FAM13C: variants seen among roughly 807,000 people sequenced by gnomAD.
The protein encoded by FAM13C is protein FAM13C.
FAM13C carries 37 observed loss-of-function variants against 73.2 expected under a neutral mutation model. The observed-to-expected ratio is 0.51, with a 90% CI of 0.39 to 0.67. FAM13C has a LOEUF of 0.67. FAM13C is among the 30% of genes least tolerant of loss of function. The pLI, the probability that FAM13C is intolerant of heterozygous loss-of-function variation, is 0.00. For synonymous variants in FAM13C, 246 were observed against 260.9 expected (o/e 0.94, Z 0.55); for missense variants, 589 against 715.6 (o/e 0.82, Z 2.02).
At chr10:59,284,031 A>ATGTGTGTGTGTGTGTG (rs6143934) in intron 5 of FAM13C, among the ~76,000 whole-genome samples, 1 of 149,014 alleles carries the variant, frequency 6.7e-6, no homozygotes, top group African/African-American at 2.5e-5. Context: ...ATGCTGGGGT[A>ATGTGTGTGTGTGTGTG]TGTGTGTGTG....
intron 6 of FAM13C, among the ~76,000 whole-genome samples, chr10:59,271,174 C>T (rs1006422582): frequency 2.0e-5 from 3 of 152,236 alleles, no homozygotes; most frequent in Non-Finnish European, 2.9e-5. Flanking sequence ...CTTTCTCTTA[C>T]TACTTCTTCT....
intron 6 of FAM13C, among the ~76,000 whole-genome samples, chr10:59,272,444 T>C: frequency 6.6e-6 from 1 of 152,210 alleles, no homozygotes; most frequent in Admixed American, 6.5e-5. Context: ...GAGGCTAGTG[T>C]AGATTCAGAG....
chr10:59,345,347 C>A (rs1854168441), intron 3 of FAM13C, among the ~76,000 whole-genome samples: 1 of 152,198 alleles, frequency 6.6e-6, no homozygotes, highest in African/African-American at 2.4e-5. Flanking sequence ...ACTTAAAAGA[C>A]TCAAATAAAT....
Position 59,352,304 on chromosome 10 carries a change from T to C in FAM13C, c.290A>G (p.Lys97Arg), listed in dbSNP as rs146560849. ...FKSRKPKSIFKAESGRSHGES... is the reference protein window; with the variant it reads ...FKSRKPKSIFRAESGRSHGES... ...TCCGTGGCTCCTCCCGCTCTCCGCTTTGAAGATGGACTTGGGCTTCCTGGA... is the reference window on the plus strand; with the variant it reads ...TCCGTGGCTCCTCCCGCTCTCCGCTCTGAAGATGGACTTGGGCTTCCTGGA... Residue 97 changes from lysine (K) to arginine (R), a missense_variant, in exon 3 of 14, where the codon AAA becomes AGA. Lys to Arg is a conservative substitution (Grantham distance 26, BLOSUM62 2). Transcript: ENST00000618804. The C allele has an allele frequency of 1.2e-4, 201 of 1,614,118 alleles. 1 individual carries two copies. In the African/African-American group the frequency reaches 2.4e-3, roughly 19 times the overall value.
intron 10 of FAM13C, among the ~76,000 whole-genome samples, chr10:59,259,502 T>C (rs1842271865): frequency 6.6e-6 from 1 of 152,140 alleles, no homozygotes; most frequent in African/African-American, 2.4e-5. Flanking sequence ...TTTGGTTACG[T>C]TGTAGCCTCT....
intron 3 of FAM13C, among the ~76,000 whole-genome samples, chr10:59,349,694 C>T (rs926182667): frequency 2.2e-4 from 33 of 152,092 alleles, no homozygotes; most frequent in African/African-American, 7.5e-4. Flanking sequence ...GCCTGGGAGG[C>T]GGAGGTTGCA....
At chr10:59,327,072 G>A (rs1233737411) in intron 3 of FAM13C, among the ~76,000 whole-genome samples, 1 of 152,048 alleles carries the variant, frequency 6.6e-6, no homozygotes, top group Non-Finnish European at 1.5e-5. Context: ...GTGAAATTTT[G>A]AACAGATGTG....
intron 2 of FAM13C, among the ~76,000 whole-genome samples, chr10:59,352,987 A>G (rs968176346): frequency 7.2e-5 from 11 of 152,190 alleles, no homozygotes; most frequent in African/African-American, 2.7e-4. Flanking sequence ...TCAGTTTATA[A>G]TCATCCCCCT....
At chr10:59,324,973 A>T (rs1297353424) in intron 3 of FAM13C, among the ~76,000 whole-genome samples, 1 of 152,228 alleles carries the variant, frequency 6.6e-6, no homozygotes, top group Non-Finnish European at 1.5e-5. Context: ...AGATTTATAT[A>T]TATCCAACAG....
At chr10:59,330,252 T>TAG (rs1851798488) in intron 3 of FAM13C, among the ~76,000 whole-genome samples, 2 of 152,184 alleles carry the variant, frequency 1.3e-5, no homozygotes. Flanking sequence ...ATGACTGAGC[T>TAG]AGAGCACCCA....
intron 4 of FAM13C, among the ~76,000 whole-genome samples, chr10:59,308,919 C>G (rs935125667): frequency 5.9e-5 from 9 of 152,256 alleles, no homozygotes; most frequent in African/African-American, 2.2e-4. Flanking sequence ...AACAATAAAC[C>G]CAACTAAGCA....
intron 3 of FAM13C, among the ~76,000 whole-genome samples, chr10:59,324,460 A>G (rs1850809981): frequency 6.6e-6 from 1 of 152,134 alleles, no homozygotes; most frequent in Admixed American, 6.6e-5. Context: ...TTTATACTAT[A>G]GGCTTATTTA....
At position 59,322,459 on chromosome 10, in the gene FAM13C, A is replaced by G. The variant is rs1425659343; in HGVS notation, c.443+1529T>C. The stretch of plus-strand genomic sequence containing the variant: ...GGGAGATGGGGAGGCGAAAAAGACA[A>G]CAAGGTATTTAGGATCCTATGAAGG... On this transcript the variant is annotated intron_variant, in intron 4 of 13. Coordinates refer to ENST00000618804, the MANE Select transcript of FAM13C (RefSeq NM_198215.4). Among the ~76,000 whole-genome samples the G allele has an allele frequency of 3.3e-5, 5 of 152,302 alleles. No homozygotes were observed. The East Asian group carries it at 9.7e-4, about 29-fold the overall frequency.
upstream of FAM13C, chr10:59,362,972 C>T (rs1481050112): frequency 6.2e-6 from 1 of 161,934 alleles, no homozygotes; most frequent in Non-Finnish European, 1.3e-5. Flanking sequence ...GAGATTCATC[C>T]ATCGTTCAGA....
At chr10:59,271,157 G>C (rs933595853) in intron 6 of FAM13C, among the ~76,000 whole-genome samples, 2 of 152,194 alleles carry the variant, frequency 1.3e-5, no homozygotes, top group African/African-American at 4.8e-5. Context: ...GTCAGGACCA[G>C]CCAAGGCTTT....
chr10:59,297,365 T>C (rs1202757796), intron 5 of FAM13C: 1 of 152,224 alleles, frequency 6.6e-6, no homozygotes, highest in East Asian at 1.9e-4. Flanking sequence ...TTTCCTACTC[T>C]CTACCTCACA....
At chr10:59,286,525 A>ATATG (rs1845576054) in intron 5 of FAM13C, among the ~76,000 whole-genome samples, 1 of 140,406 alleles carries the variant, frequency 7.1e-6, no homozygotes, top group South Asian at 2.4e-4. Flanking sequence ...AAATATATAT[A>ATATG]TATATATATA....
intron 8 of FAM13C, among the ~76,000 whole-genome samples, chr10:59,265,335 G>GGGGGGGGGAGCGGGGCGGA (rs78422182): frequency 6.2e-5 from 1 of 16,056 alleles, no homozygotes; most frequent in African/African-American, 2.9e-4. Context: ...GGGGGGGGGG[G>GGGGGGGGGAGCGGGGCGGA]AATCCTGGTT....
chr10:59,271,189 C>T (rs545133589), intron 6 of FAM13C, among the ~76,000 whole-genome samples: 17 of 152,244 alleles, frequency 1.1e-4, no homozygotes, highest in East Asian at 3.9e-4. Flanking sequence ...TCTTCTCCAA[C>T]GAAAGGGGAA....
Sources: gnomAD v4.1 joint callset for allele counts (sites outside exome capture counted in the v4.1 genomes callset) on GRCh38, gnomAD v4.1.1 for gene constraint, MANE v1.5 for transcripts, NCBI Gene and HGNC (gene_info 2026-07-23, HGNC 2026-07-21) for gene names.